Variants in PHACTR3 observed in about 807,000 individuals in gnomAD.
The protein encoded by PHACTR3 is phosphatase and actin regulator 3.
A neutral mutation model predicts 66.8 loss-of-function variants in PHACTR3; 16 were observed. The observed-to-expected ratio is 0.24, with a 90% CI of 0.16 to 0.36. The LOEUF (loss-of-function observed/expected upper bound fraction) is 0.36. PHACTR3 is among the 10% of genes least tolerant of loss of function. The pLI is 1.00. For synonymous variants in PHACTR3, 323 were observed against 292.1 expected (o/e 1.11, Z -1.08); for missense variants, 647 against 719.9 (o/e 0.90, Z 1.16).
At chr20:59,731,412 C>G (rs373499231) in intron 1 of PHACTR3, among the ~76,000 whole-genome samples, 13 of 152,324 alleles carry the variant, frequency 8.5e-5, no homozygotes, top group African/African-American at 3.1e-4. Context: ...AAAATCATCA[C>G]AATGATGACA....
intron 4 of PHACTR3, among the ~76,000 whole-genome samples, chr20:59,756,367 CT>C (rs1568786600): frequency 1.3e-5 from 2 of 152,224 alleles, no homozygotes; most frequent in Non-Finnish European, 2.9e-5. Context: ...GGACAGCCTG[CT>C]GGGCTTCTGC....
chr20:59,596,342 A>G (rs1420412455), intron 1 of PHACTR3, among the ~76,000 whole-genome samples: 2 of 152,112 alleles, frequency 1.3e-5, no homozygotes, highest in Non-Finnish European at 2.9e-5. Flanking sequence ...GGCTTTCACC[A>G]TGTTGACCAG....
chr20:59,727,263 G>A (rs1312557487), intron 1 of PHACTR3, among the ~76,000 whole-genome samples: 3 of 152,134 alleles, frequency 2.0e-5, no homozygotes, highest in East Asian at 3.8e-4. Flanking sequence ...TGTAGCAGGT[G>A]TCCAGGCCTC....
At chr20:59,776,863 T>G (rs1164731681) in intron 7 of PHACTR3, among the ~76,000 whole-genome samples, 1 of 150,930 alleles carries the variant, frequency 6.6e-6, no homozygotes. Flanking sequence ...CCCAGTGCCT[T>G]CCTTCTCTGA....
At chr20:59,598,667 G>A (rs140690896) in intron 1 of PHACTR3, among the ~76,000 whole-genome samples, 3 of 152,356 alleles carry the variant, frequency 2.0e-5, no homozygotes, top group Non-Finnish European at 4.4e-5. Context: ...ATTGCATTGA[G>A]CACCACTCTG....
chr20:59,744,882 G>A (rs1401456386), intron 2 of PHACTR3, among the ~76,000 whole-genome samples: 1 of 152,206 alleles, frequency 6.6e-6, no homozygotes, highest in Non-Finnish European at 1.5e-5. Context: ...CAGCACGTGA[G>A]TCGATTGCAG....
intron 8 of PHACTR3, among the ~76,000 whole-genome samples, chr20:59,822,055 CCAGCGATCCGCCCCG>C (rs1169782416): frequency 7.1e-5 from 8 of 113,390 alleles, no homozygotes; most frequent in Non-Finnish European, 1.3e-4. Flanking sequence ...CACCCCTTCC[CCAGCGATCCGCCCCG>C]CAACGATCCC....
At chr20:59,698,026 C>T (rs952884353) in intron 1 of PHACTR3, among the ~76,000 whole-genome samples, 13 of 152,080 alleles carry the variant, frequency 8.5e-5, no homozygotes, top group African/African-American at 2.9e-4. Flanking sequence ...GGTAAGGAGG[C>T]TTGGACCAGG....
rs539817912 is a variant in PHACTR3, at chr20:59,589,188, G to T, written c.109+11571G>T. Among the ~76,000 whole-genome samples the T allele has an allele frequency of 1.4e-4, 22 of 152,372 alleles. No individual in the cohort carries two copies. In the South Asian group the frequency reaches 4.6e-3, roughly 32 times the overall value. ...GCAGAGCCCTCTGCCAAATAGAGAAGTGAATGTTATTCTCCCGTGGGCTTT... is the reference window on the plus strand; with the variant it reads ...GCAGAGCCCTCTGCCAAATAGAGAATTGAATGTTATTCTCCCGTGGGCTTT... On this transcript the variant is annotated intron_variant, in intron 1 of 12. Transcript: ENST00000359926.
rs147765796 is a variant in PHACTR3, at chr20:59,816,170, A to G, written c.1328+9976A>G. The stretch of plus-strand genomic sequence containing the variant: ...ACAGGGATGGATCATCAGGCATTAG[A>G]TTCTCATAAGAAGTGTGCAACCCAG... On this transcript the variant is annotated intron_variant, in intron 8 of 12. Coordinates refer to ENST00000371015, the MANE Select transcript of PHACTR3 (RefSeq NM_080672.5). Among the ~76,000 whole-genome samples, 78 of 152,066 alleles carry G rather than the reference A, an allele frequency of 5.1e-4. No individual in the cohort carries two copies. In the East Asian group the frequency reaches 8.9e-3, roughly 17 times the overall value.
intron 5 of PHACTR3, among the ~76,000 whole-genome samples, chr20:59,771,538 C>G (rs1006946758): frequency 6.6e-6 from 1 of 152,082 alleles, no homozygotes; most frequent in African/African-American, 2.4e-5. Context: ...CCACCTCCCC[C>G]CGACCAGCCC....
chr20:59,822,540 C>T (rs905621204), intron 8 of PHACTR3, among the ~76,000 whole-genome samples: 2 of 151,850 alleles, frequency 1.3e-5, no homozygotes, highest in African/African-American at 4.8e-5. Flanking sequence ...AGGTGGCTTC[C>T]AGCATCCCCT....
At chr20:59,845,368 C>A in intron 12 of PHACTR3, 103 bp downstream of exon 12, 1 of 731,202 alleles carries the variant, frequency 1.4e-6, no homozygotes, top group Non-Finnish European at 2.3e-6. Flanking sequence ...ACAAATTCAG[C>A]ATTTTTCCAG....
chr20:59,784,966 C>T (rs914984300), intron 7 of PHACTR3, among the ~76,000 whole-genome samples: 1 of 151,104 alleles, frequency 6.6e-6, no homozygotes, highest in African/African-American at 2.4e-5. Context: ...AGACCTGATG[C>T]CGTCTGTCAT....
chr20:59,710,768 T>TTCCCTCAC (rs544670753), intron 1 of PHACTR3, among the ~76,000 whole-genome samples: 204 of 48,120 alleles, frequency 4.2e-3, no homozygotes, highest in African/African-American at 0.019. Flanking sequence ...TACCATGGCT[T>TTCCCTCAC]TCCCTCACCC....
chr20:59,678,927 C>CTTTGTA, intron 1 of PHACTR3, among the ~76,000 whole-genome samples: 1 of 149,936 alleles, frequency 6.7e-6, no homozygotes, highest in Non-Finnish European at 1.5e-5. Flanking sequence ...ATTGCAGCCC[C>CTTTGTA]ACTGGCAGAG....
chr20:59,598,169 C>G (rs964729888), intron 1 of PHACTR3, among the ~76,000 whole-genome samples: 1 of 152,224 alleles, frequency 6.6e-6, no homozygotes, highest in Non-Finnish European at 1.5e-5. Context: ...GGTTGTGTTT[C>G]TCTGCTCTGG....
chr20:59,692,485 A>T (rs2037147001), intron 1 of PHACTR3, among the ~76,000 whole-genome samples: 1 of 152,154 alleles, frequency 6.6e-6, no homozygotes, highest in African/African-American at 2.4e-5. Context: ...ACCTCAGAGG[A>T]GGAGGAAGGA....
intron 8 of PHACTR3, among the ~76,000 whole-genome samples, chr20:59,824,289 C>T (rs1360673847): frequency 6.6e-6 from 1 of 152,180 alleles, no homozygotes; most frequent in East Asian, 1.9e-4. Flanking sequence ...TCAAGGTTGG[C>T]AGAAAGCTCA....
Sources: allele counts gnomAD v4.1 joint callset (sites outside exome capture counted in the v4.1 genomes callset), GRCh38; gene constraint gnomAD v4.1.1; transcripts MANE v1.5; gene names NCBI Gene and HGNC (gene_info 2026-07-23, HGNC 2026-07-21).